The following SYN2 variants were observed in gnomAD, a reference collection of about 807,000 sequenced individuals.
The protein encoded by SYN2 is synapsin II.
In SYN2, 19 loss-of-function variants were observed where a neutral mutation model predicts 50.9. The ratio of observed to expected loss-of-function variants is 0.37; its 90% CI spans 0.26 to 0.55. SYN2 has a LOEUF of 0.55. Among genes scored for constraint, SYN2 ranks in the 20% least tolerant of loss-of-function variants. The pLI is 0.81. For synonymous variants in SYN2, 255 were observed against 224.9 expected (o/e 1.13, Z -1.20); for missense variants, 587 against 576.4 (o/e 1.02, Z -0.19).
At chr3:12,011,629 A>G (rs183662050) in intron 1 of SYN2, among the ~76,000 whole-genome samples, 40 of 152,328 alleles carry the variant, frequency 2.6e-4, no homozygotes, top group Admixed American at 8.5e-4. Context: ...TTTCAGCAGC[A>G]TGAAACAATG....
chr3:12,022,414 A>ATTATTC (rs1429754183), intron 1 of SYN2, among the ~76,000 whole-genome samples: 1 of 151,802 alleles, frequency 6.6e-6, no homozygotes, highest in East Asian at 1.9e-4. Context: ...TATTATTATT[A>ATTATTC]TTATTAGTTT....
At chr3:12,012,511 A>G (rs1693932616) in intron 1 of SYN2, among the ~76,000 whole-genome samples, 1 of 152,192 alleles carries the variant, frequency 6.6e-6, no homozygotes. Context: ...CATTGTGCTT[A>G]TTCACAGTTT....
intron 1 of SYN2, among the ~76,000 whole-genome samples, chr3:12,041,343 G>T (rs1694605353): frequency 6.6e-6 from 1 of 152,112 alleles, no homozygotes; most frequent in Admixed American, 6.5e-5. Flanking sequence ...TTCAGAGATT[G>T]TATAACTCCC....
At chr3:12,179,394 AAAAG>A (rs1213031212) in intron 10 of SYN2, among the ~76,000 whole-genome samples, 4 of 149,884 alleles carry the variant, frequency 2.7e-5, no homozygotes, top group Middle Eastern at 3.2e-3. Context: ...AAAAAAAAAA[AAAAG>A]CATAAACGAA....
At chr3:12,116,524 G>A (rs1696436653) in intron 1 of SYN2, among the ~76,000 whole-genome samples, 2 of 152,084 alleles carry the variant, frequency 1.3e-5, no homozygotes, top group South Asian at 2.1e-4. Flanking sequence ...CACTGTCTTA[G>A]GTTTGACTTC....
intron 1 of SYN2, among the ~76,000 whole-genome samples, chr3:12,067,481 A>C (rs2125166173): frequency 6.6e-6 from 1 of 152,320 alleles, no homozygotes; most frequent in African/African-American, 2.4e-5. Flanking sequence ...CACAACATCA[A>C]TTCATAAATA....
chr3:12,028,823 G>C lies in SYN2; in HGVS notation c.377+23895G>C, dbSNP rs1291198638. Among the ~76,000 whole-genome samples, 131 of 145,264 alleles carry C rather than the reference G, an allele frequency of 9.0e-4. 1 individual carries two copies. Among genetic ancestry groups the C allele is most frequent in the Admixed American group, 2.3e-3 (33 of 14,530 alleles). ...TGCGAAAATTTTCTTCCATGTTGTAGGTTGCCTGTTCACTCTGATGGTAGT... is the reference window on the plus strand; with the variant it reads ...TGCGAAAATTTTCTTCCATGTTGTACGTTGCCTGTTCACTCTGATGGTAGT... On this transcript the variant is annotated intron_variant, in intron 1 of 12. Transcript: ENST00000621198.
intron 1 of SYN2, among the ~76,000 whole-genome samples, chr3:12,072,920 A>G (rs1393358225): frequency 2.6e-5 from 4 of 152,180 alleles, no homozygotes; most frequent in Non-Finnish European, 5.9e-5. Flanking sequence ...AAGACAGAGC[A>G]CTAAAGGCTA....
At chr3:12,055,849 T>C (rs963108577) in intron 1 of SYN2, among the ~76,000 whole-genome samples, 4 of 152,322 alleles carry the variant, frequency 2.6e-5, no homozygotes, top group Admixed American at 6.5e-5. Flanking sequence ...GCAACTCCCA[T>C]TGAATTAATG....
At chr3:12,153,547 T>G (rs1310308043) in intron 5 of SYN2, 1 of 1,613,974 alleles carries the variant, frequency 6.2e-7, no homozygotes, top group South Asian at 1.1e-5. Flanking sequence ...AACTCCTTCC[T>G]GAGAGGCAGG....
chr3:12,008,220 G>C (rs1277372818), intron 1 of SYN2, among the ~76,000 whole-genome samples: 1 of 152,148 alleles, frequency 6.6e-6, no homozygotes, highest in Non-Finnish European at 1.5e-5. Flanking sequence ...GATCAAGTGA[G>C]CTTTTCATCC....
intron 1 of SYN2, among the ~76,000 whole-genome samples, chr3:12,022,430 A>G (rs1030683181): frequency 6.6e-6 from 1 of 151,958 alleles, no homozygotes; most frequent in Non-Finnish European, 1.5e-5. Flanking sequence ...AGTTTTTGAG[A>G]CGGAGTCTTG....
intron 1 of SYN2, among the ~76,000 whole-genome samples, chr3:12,132,914 C>T (rs2125210619): frequency 6.6e-6 from 1 of 152,310 alleles, no homozygotes. Flanking sequence ...TGTAGTTGAG[C>T]ATTCCAGTTC....
At chr3:12,028,685 T>C (rs1179164363) in intron 1 of SYN2, among the ~76,000 whole-genome samples, 3 of 146,120 alleles carry the variant, frequency 2.1e-5, no homozygotes, top group African/African-American at 7.9e-5. Context: ...TTTTGAGAAG[T>C]GTCTGTTCAT....
At chr3:12,021,764 AGATAAGAATC>A (rs941010201) in intron 1 of SYN2, among the ~76,000 whole-genome samples, 1 of 152,106 alleles carries the variant, frequency 6.6e-6, no homozygotes, top group African/African-American at 2.4e-5. Context: ...GTGATTGTGA[AGATAAGAATC>A]AGATTCTTGG....
chr3:12,044,449 G>T (rs2125151047), intron 1 of SYN2, among the ~76,000 whole-genome samples: 1 of 152,178 alleles, frequency 6.6e-6, no homozygotes, highest in African/African-American at 2.4e-5. Flanking sequence ...CTTAGTAACT[G>T]TCTAAAATTA....
chr3:12,114,787 C>T (rs1038138781), intron 1 of SYN2, among the ~76,000 whole-genome samples: 1 of 152,110 alleles, frequency 6.6e-6, no homozygotes, highest in Admixed American at 6.5e-5. Flanking sequence ...CCCTCTTCCC[C>T]ACCTTCTCCA....
chr3:12,171,701 G>T (rs1011125108), intron 10 of SYN2, among the ~76,000 whole-genome samples: 1 of 152,202 alleles, frequency 6.6e-6, no homozygotes, highest in Non-Finnish European at 1.5e-5. Flanking sequence ...AGGTGACCTT[G>T]GGTAGGTTTA....
chr3:12,122,810 G>T (rs1442621014), intron 1 of SYN2, among the ~76,000 whole-genome samples: 1 of 151,766 alleles, frequency 6.6e-6, no homozygotes, highest in Non-Finnish European at 1.5e-5. Context: ...AAAATCTAAA[G>T]TTATAAAATG....
Sources: allele counts gnomAD v4.1 joint callset (sites outside exome capture counted in the v4.1 genomes callset), GRCh38; gene constraint gnomAD v4.1.1; transcripts MANE v1.5; gene names NCBI Gene and HGNC (gene_info 2026-07-23, HGNC 2026-07-21).